CMIP: variants seen among roughly 807,000 people sequenced by gnomAD.
CMIP encodes the protein C-Maf-inducing protein.
In CMIP, 13 loss-of-function variants were observed where a neutral mutation model predicts 97.3. That is an observed-to-expected ratio of 0.13 (90% CI 0.09 to 0.21). The LOEUF (loss-of-function observed/expected upper bound fraction) is 0.21, where lower values mean the gene tolerates loss of function less well. CMIP is among the 10% of genes least tolerant of loss of function. The pLI is 1.00. For synonymous variants in CMIP, 538 were observed against 436.3 expected (o/e 1.23, Z -2.91); for missense variants, 847 against 1,024.9 (o/e 0.83, Z 2.37).
At chr16:81,548,762 C>T (rs1335400932) in intron 1 of CMIP, among the ~76,000 whole-genome samples, 1 of 151,992 alleles carries the variant, frequency 6.6e-6, no homozygotes, top group African/African-American at 2.4e-5. Context: ...AGGAGGATTG[C>T]TTGAGGCCAT....
chr16:81,574,293 A>G (rs1474182863), intron 1 of CMIP, among the ~76,000 whole-genome samples: 1 of 145,442 alleles, frequency 6.9e-6, no homozygotes, highest in Non-Finnish European at 1.5e-5. Context: ...CTGCTTGGCC[A>G]CCCTGCCACC....
intron 1 of CMIP, among the ~76,000 whole-genome samples, chr16:81,502,822 G>A (rs1438606387): frequency 6.6e-6 from 1 of 152,226 alleles, no homozygotes; most frequent in East Asian, 1.9e-4. Flanking sequence ...CTGGCTATGT[G>A]ACCAGTATTT....
intron 3 of CMIP, among the ~76,000 whole-genome samples, chr16:81,641,472 C>T (rs1049719693): frequency 4.6e-5 from 7 of 152,126 alleles, no homozygotes; most frequent in Admixed American, 1.3e-4. Context: ...ATTTTGCCCA[C>T]GGTGCAGCTG....
chr16:81,463,446 CTTCATTACTCCCACTACGTT>C (rs1270958684), intron 1 of CMIP, among the ~76,000 whole-genome samples: 1 of 152,168 alleles, frequency 6.6e-6, no homozygotes. Flanking sequence ...CTTTTGTTTG[CTTCATTACTCCCACTACGTT>C]TGGCGGGACG....
intron 1 of CMIP, among the ~76,000 whole-genome samples, chr16:81,480,309 G>T (rs1908180365): frequency 6.6e-6 from 1 of 152,202 alleles, no homozygotes; most frequent in South Asian, 2.1e-4. Context: ...GGAGGCCGAG[G>T]TGGGCAGATC....
chr16:81,607,796 T>C, intron 2 of CMIP, 104 bp downstream of exon 2: 1 of 1,262,214 alleles, frequency 7.9e-7, no homozygotes, highest in East Asian at 2.4e-5. Flanking sequence ...AGAGGAAAGG[T>C]TGTTTAACTT....
At chr16:81,612,643 G>T (rs1489262108) in intron 2 of CMIP, among the ~76,000 whole-genome samples, 1 of 152,220 alleles carries the variant, frequency 6.6e-6, no homozygotes. Context: ...CAATGAGAAA[G>T]AACTTGGCAA....
At chr16:81,452,109 G>A (rs903537569) in intron 1 of CMIP, among the ~76,000 whole-genome samples, 4 of 152,182 alleles carry the variant, frequency 2.6e-5, no homozygotes. Flanking sequence ...TAGCCATTTC[G>A]TTACCCCTCC....
In CMIP at chr16:81,445,525, G is replaced by T; in HGVS notation, c.284G>T (p.Ser95Ile). The T allele has an allele frequency of 6.5e-7, 1 of 1,548,700 alleles. No individual in the cohort carries two copies. Reference sequence around the variant, plus strand: ...CACCACCTAACGCTGGCCGACAACAGCCTGGCGTCCGCCACGGTGAGTGGC... The same window carrying T: ...CACCACCTAACGCTGGCCGACAACATCCTGGCGTCCGCCACGGTGAGTGGC... ...EPHHLTLADN[S>I]LASATPTGYM... is the part of the protein sequence containing the mutation. Residue 95 changes from serine to isoleucine, a missense_variant, in exon 1 of 21, where the codon AGC (serine) becomes ATC (isoleucine). Coordinates refer to ENST00000537098, the MANE Select transcript of CMIP (RefSeq NM_198390.3).
At chr16:81,653,717 G>A (rs1404499958) in intron 4 of CMIP, among the ~76,000 whole-genome samples, 3 of 152,144 alleles carry the variant, frequency 2.0e-5, no homozygotes, top group African/African-American at 7.2e-5. Flanking sequence ...GGTTCAAGCC[G>A]TTCTCCTGCC....
intron 3 of CMIP, among the ~76,000 whole-genome samples, chr16:81,648,424 C>A (rs1272000645): frequency 6.6e-6 from 1 of 152,092 alleles, no homozygotes. Context: ...CACCTGTGAC[C>A]CTGCAGAGCG....
chr16:81,685,889 C>T (rs73600463), intron 10 of CMIP, among the ~76,000 whole-genome samples: 224 of 152,224 alleles, frequency 1.5e-3, no homozygotes, highest in African/African-American at 5.0e-3. Flanking sequence ...ATAGGGAGAT[C>T]GTCTTCCTTC....
chr16:81,634,683 C>T (rs2092211481), intron 3 of CMIP, among the ~76,000 whole-genome samples: 1 of 152,200 alleles, frequency 6.6e-6, no homozygotes, highest in South Asian at 2.1e-4. Context: ...TGGCTTGAAA[C>T]TCACATTAGA....
In CMIP at chr16:81,696,672, G is replaced by C. The variant is rs371157898; in HGVS notation, c.1638+5G>C. 6.2e-7 allele frequency: 1 copy of C among 1,604,166 alleles called. No individual in the cohort carries two copies. Among genetic ancestry groups the C allele is most frequent in the African/African-American group, 1.3e-5 (1 of 75,054 alleles). ...GGGGAGCTGTTCGCCAGCATGGTAC[G>C]CAGTGGGACCCCAGTGGGGTGACTT... is the stretch of plus-strand genomic sequence containing the variant. On this transcript the variant is annotated splice_donor_5th_base_variant and intron_variant, in intron 14 of 20. Coordinates refer to ENST00000537098, the MANE Select transcript of CMIP (RefSeq NM_198390.3).
At chr16:81,670,390 C>T (rs574888654) in intron 8 of CMIP, 145 bp downstream of exon 8, 228 of 819,800 alleles carry the variant, frequency 2.8e-4, no homozygotes, top group Non-Finnish European at 3.8e-4. Context: ...GCACGGTGCC[C>T]GATAGGAACT....
intron 8 of CMIP, among the ~76,000 whole-genome samples, chr16:81,671,219 A>G (rs2092680670): frequency 6.6e-6 from 1 of 152,146 alleles, no homozygotes; most frequent in South Asian, 2.1e-4. Flanking sequence ...GAACTCACGA[A>G]GTCGTTTGAG....
intron 1 of CMIP, among the ~76,000 whole-genome samples, chr16:81,488,707 G>C (rs1429508682): frequency 1.3e-5 from 2 of 152,136 alleles, no homozygotes; most frequent in Admixed American, 6.5e-5. Context: ...GTGACTTTCA[G>C]GAGAGCCTTG....
At chr16:81,523,514 C>T (rs946902085) in intron 1 of CMIP, among the ~76,000 whole-genome samples, 13 of 152,206 alleles carry the variant, frequency 8.5e-5, no homozygotes, top group African/African-American at 2.9e-4. Flanking sequence ...GCTTCCCTCA[C>T]GATACCTCAA....
rs186759521 is a variant in CMIP at position 81,502,199 on chromosome 16, G to A, written c.300+56658G>A. Among the ~76,000 whole-genome samples the A allele has an allele frequency of 5.3e-5, 8 of 152,314 alleles. No individual in the cohort carries two copies. In the East Asian group the frequency reaches 5.8e-4, roughly 11 times the overall value. The stretch of plus-strand genomic sequence containing the variant: ...GCTTCAGACCATGGAGTCTGGACCC[G>A]GGACCTGGGCTGACAGTTGCAGCAT... On this transcript the variant is annotated intron_variant, in intron 1 of 20. Coordinates refer to ENST00000537098, the MANE Select transcript of CMIP (RefSeq NM_198390.3).
Sources: allele counts gnomAD v4.1 joint callset (sites outside exome capture counted in the v4.1 genomes callset), GRCh38; gene constraint gnomAD v4.1.1; transcripts MANE v1.5; gene names NCBI Gene and HGNC (gene_info 2026-07-23, HGNC 2026-07-21).